The following HMGA2 variants were observed in gnomAD, a reference collection of about 807,000 sequenced individuals.
HMGA2 encodes high mobility group AT-hook 2, also known as high mobility group protein HMGI-C.
HMGA2 carries 8 observed loss-of-function variants against 19.1 expected under a neutral mutation model. That is an observed-to-expected ratio of 0.42 (90% CI 0.25 to 0.76). The LOEUF is 0.76. Ranked by LOEUF, HMGA2 falls within the 30% of genes least tolerant of loss-of-function variation. The probability of loss-of-function intolerance (pLI) is 0.28; values close to 1 mark genes in which losing one functional copy is unlikely to be tolerated. For missense variants in HMGA2, 109 were observed against 136.3 expected (o/e 0.80, Z 1.00); for synonymous variants, 60 against 48.8 (o/e 1.23, Z -0.96).
chr12:65,949,879 A>G (rs1417781911), intron 3 of HMGA2, among the ~76,000 whole-genome samples: 2 of 152,230 alleles, frequency 1.3e-5, no homozygotes, highest in African/African-American at 4.8e-5. Flanking sequence ...AATTTTTTTT[A>G]AATGGGCAAA....
chr12:65,866,785 A>T (rs897258804), intron 3 of HMGA2: 7 of 455,206 alleles, frequency 1.5e-5, no homozygotes, highest in African/African-American at 1.4e-4. Flanking sequence ...CTTTAAAAAA[A>T]AAAATCACTA....
intron 3 of HMGA2, among the ~76,000 whole-genome samples, chr12:65,846,726 A>AT (rs1252641365): frequency 1.3e-5 from 2 of 152,094 alleles, no homozygotes; most frequent in Non-Finnish European, 2.9e-5. Context: ...TGATTTTGTG[A>AT]TTTTCCCATT....
At chr12:65,899,157 C>T (rs774027786) in intron 3 of HMGA2, among the ~76,000 whole-genome samples, 1 of 150,990 alleles carries the variant, frequency 6.6e-6, no homozygotes, top group Admixed American at 6.6e-5. Context: ...GTGGCACTGA[C>T]TGTGTTCATC....
chr12:65,912,529 G>C lies in HMGA2; in HGVS notation c.250-38854G>C, dbSNP rs1874890430. On this transcript the variant is annotated intron_variant, in intron 3 of 4. Transcript: ENST00000403681. ...TTCCTCCAATCTGTAGAGTGTCAGG[G>C]GAGTCTTAGATACTTGGGTCCTTTG... 2.0e-5 allele frequency among the ~76,000 whole-genome samples: 3 copies of C among 152,128 alleles called. No individual in the cohort carries two copies. In the South Asian group the frequency reaches 6.2e-4, roughly 32 times the overall value.
intron 4 of HMGA2, chr12:65,952,177 TC>T (rs1876480441): frequency 7.1e-6 from 4 of 560,594 alleles, no homozygotes; most frequent in African/African-American, 5.6e-5. Flanking sequence ...TCTCTTCCCT[TC>T]TGTATGTAAA....
chr12:65,958,215 C>A (rs746848921), intron 4 of HMGA2: 1 of 152,174 alleles, frequency 6.6e-6, no homozygotes, highest in Non-Finnish European at 1.5e-5. Flanking sequence ...CTGATGCTAA[C>A]GCACACAAAG....
At position 65,825,280 on chromosome 12, in the gene HMGA2, C is replaced by G. The variant is rs1345615964; in HGVS notation, c.10C>G (p.Arg4Gly). Residue 4 changes from arginine to glycine, a missense_variant, in exon 1 of 5, where the codon CGC (arginine) becomes GGC (glycine). Transcript: ENST00000403681. The surrounding 1 kb of genome is among the most constrained non-coding windows in gnomAD (Gnocchi z 4.4). ...GGCGGCGGGAGGCAGGATGAGCGCA[C>G]GCGGTGAGGGCGCGGGGCAGCCGTC... MSA[R>G]GEGAGQPSTS... The G allele has an allele frequency of 6.5e-7, 1 of 1,530,350 alleles. No individual in the cohort carries two copies. Among genetic ancestry groups the G allele is most frequent in the Non-Finnish European group, 8.7e-7 (1 of 1,143,096 alleles). The allele number at this position is 1,530,350 out of a possible 1,614,324, so 94.8% of individuals were successfully genotyped here.
intron 3 of HMGA2, among the ~76,000 whole-genome samples, chr12:65,928,143 A>C (rs1875580138): frequency 6.6e-6 from 1 of 152,168 alleles, no homozygotes; most frequent in African/African-American, 2.4e-5. Flanking sequence ...CTGCACATCT[A>C]GGCTAAATGG....
intron 3 of HMGA2, among the ~76,000 whole-genome samples, chr12:65,914,496 G>A (rs1342036293): frequency 8.5e-6 from 1 of 117,216 alleles, no homozygotes; most frequent in Admixed American, 1.0e-4. Context: ...ACTGTTGTGG[G>A]GTGGGGGGAG....
chr12:65,826,901 T>C (rs1318667090), intron 1 of HMGA2: 1 of 152,214 alleles, frequency 6.6e-6, no homozygotes, highest in African/African-American at 2.4e-5. Context: ...GTGTTTGCTC[T>C]CGATGTGCCC....
chr12:65,872,532 C>T (rs1872762312), intron 3 of HMGA2, among the ~76,000 whole-genome samples: 1 of 152,182 alleles, frequency 6.6e-6, no homozygotes, highest in African/African-American at 2.4e-5. Flanking sequence ...ATCATACACC[C>T]GGTCATCCTT....
intron 3 of HMGA2, chr12:65,874,164 A>G (rs1428302829): frequency 6.6e-6 from 1 of 152,046 alleles, no homozygotes; most frequent in African/African-American, 2.4e-5. Context: ...TTTATCCTTT[A>G]CAGTTTCATA....
intron 3 of HMGA2, among the ~76,000 whole-genome samples, chr12:65,919,905 A>G (rs1463466633): frequency 2.6e-5 from 4 of 152,232 alleles, no homozygotes; most frequent in African/African-American, 9.7e-5. Context: ...TCAGGCAACC[A>G]GTTTTTAATG....
chr12:65,833,810 C>T (rs186677514), intron 2 of HMGA2, among the ~76,000 whole-genome samples: 45 of 152,166 alleles, frequency 3.0e-4, no homozygotes, highest in East Asian at 1.3e-3. Context: ...ATTTGTAAAA[C>T]GGGAAGTAAC....
chr12:65,831,322 G>T (rs894159370), intron 2 of HMGA2, among the ~76,000 whole-genome samples: 2 of 151,728 alleles, frequency 1.3e-5, no homozygotes, highest in Admixed American at 6.6e-5. Flanking sequence ...TACTGGAGGG[G>T]TTGTCACTAA....
At chr12:65,832,775 T>C (rs1565701001) in intron 2 of HMGA2, among the ~76,000 whole-genome samples, 1 of 152,054 alleles carries the variant, frequency 6.6e-6, no homozygotes, top group Non-Finnish European at 1.5e-5. Flanking sequence ...TGGCATATTC[T>C]ATTTAAATTA....
intron 3 of HMGA2, chr12:65,842,619 C>T: frequency 6.5e-7 from 1 of 1,535,416 alleles, no homozygotes; most frequent in Non-Finnish European, 8.7e-7. Flanking sequence ...GCTTAGAAGC[C>T]TTTCTTCCAA....
In HMGA2 at chr12:65,930,838, G is replaced by A. The variant is rs182761115; in HGVS notation, c.250-20545G>A. 2.6e-5 allele frequency among the ~76,000 whole-genome samples: 4 copies of A among 152,192 alleles called. No homozygotes were observed. The East Asian group carries it at 5.8e-4, about 22-fold the overall frequency. The stretch of plus-strand genomic sequence containing the variant: ...AATTTTTAAAATCAGACTAGATTAC[G>A]ATACCAGGAAAAGACATACATATTT... On this transcript the variant is annotated intron_variant, in intron 3 of 4. Transcript: ENST00000403681.
intron 4 of HMGA2, among the ~76,000 whole-genome samples, chr12:65,960,243 A>G (rs1354821036): frequency 6.6e-6 from 1 of 151,742 alleles, no homozygotes. Context: ...GTCCCTACCA[A>G]CTCCTCAGTT....
Sources: gnomAD v4.1 joint callset for allele counts (sites outside exome capture counted in the v4.1 genomes callset) on GRCh38, gnomAD v4.1.1 for gene constraint, Gnocchi (gnomAD v3.1) non-coding constraint, MANE v1.5 for transcripts, NCBI Gene and HGNC (gene_info 2026-07-23, HGNC 2026-07-21) for gene names.